CFLAR: variants seen among roughly 807,000 people sequenced by gnomAD.
CFLAR encodes the protein CASP8 and FADD like apoptosis regulator.
CFLAR carries 14 observed loss-of-function variants against 51.1 expected under a neutral mutation model. That is an observed-to-expected ratio of 0.27 (90% CI 0.18 to 0.43). The LOEUF (loss-of-function observed/expected upper bound fraction) is 0.43. CFLAR is among the 20% of genes least tolerant of loss of function. The pLI is 1.00. For synonymous variants in CFLAR, 210 were observed against 211.6 expected (o/e 0.99, Z 0.06); for missense variants, 390 against 566.5 (o/e 0.69, Z 3.16).
chr2:201,131,301 A>C (rs760138334), intron 2 of CFLAR, among the ~76,000 whole-genome samples: 7 of 151,928 alleles, frequency 4.6e-5, no homozygotes, highest in Non-Finnish European at 8.8e-5. Context: ...CAGTGGTGCG[A>C]TCTTGGCTCA....
chr2:201,161,013 C>A, intron 9 of CFLAR, 71 bp downstream of exon 9: 1 of 1,081,516 alleles, frequency 9.2e-7, no homozygotes, highest in Non-Finnish European at 1.4e-6. Flanking sequence ...GGAATTACCA[C>A]TGTGCCACAT....
intron 1 of CFLAR, among the ~76,000 whole-genome samples, chr2:201,125,753 C>T (rs1440059322): frequency 3.3e-5 from 5 of 152,104 alleles, no homozygotes; most frequent in Middle Eastern, 6.8e-3. Context: ...GTTGAGCAGC[C>T]GTAGGGGCCC....
chr2:201,160,340 G>A (rs1434135001), intron 8 of CFLAR, 92 bp from the exon 9 acceptor site: 10 of 1,329,806 alleles, frequency 7.5e-6, no homozygotes, highest in African/African-American at 4.4e-5. Context: ...TTTCATAATG[G>A]AGATTAGACC....
chr2:201,138,697 G>A lies in CFLAR; in HGVS notation c.524-1660G>A. ...TCACCCACAGTGTGCAAGGGGCTCA[G>A]CACCACGGGGTGTGTGATAAAGCCC... On this transcript the variant is annotated intron_variant, in intron 4 of 9. Coordinates refer to ENST00000309955, the MANE Select transcript of CFLAR (RefSeq NM_003879.7). The surrounding 1 kb of genome is among the most constrained non-coding windows in gnomAD (Gnocchi z 4.0). 2.4e-6 allele frequency: 2 copies of A among 838,222 alleles called. No individual in the cohort carries two copies. Among genetic ancestry groups the A allele is most frequent in the Non-Finnish European group, 4.1e-6 (2 of 484,434 alleles). 51.9% of individuals were successfully genotyped at this position (838,222 alleles called of 1,614,324 possible). A position where few individuals can be genotyped will look rare whatever the true frequency, so the allele number is the denominator to read the frequency against.
chr2:201,154,854 G>A (rs1172056307), intron 8 of CFLAR, among the ~76,000 whole-genome samples: 2 of 152,286 alleles, frequency 1.3e-5, no homozygotes, highest in African/African-American at 2.4e-5. Context: ...TTGGCCCTGT[G>A]TGAAGCAAAT....
At chr2:201,141,750 C>A in intron 5 of CFLAR, 1 of 662,544 alleles carries the variant, frequency 1.5e-6, no homozygotes, top group Non-Finnish European at 1.9e-6. Flanking sequence ...GTACTTAGTA[C>A]AAGGTATCGG....
chr2:201,160,210 GTA>G (rs1942839779), intron 8 of CFLAR, among the ~76,000 whole-genome samples: 1 of 152,146 alleles, frequency 6.6e-6, no homozygotes. Flanking sequence ...AGGAACAGTG[GTA>G]TAGCAGGGTA....
At chr2:201,145,518 C>T (rs1195657478) in intron 6 of CFLAR, 86 bp downstream of exon 6, 5 of 857,540 alleles carry the variant, frequency 5.8e-6, no homozygotes, top group Non-Finnish European at 9.8e-6. Flanking sequence ...TTGGTCATTT[C>T]CTTTATCTAC....
chr2:201,152,883 C>T (rs556910270), intron 8 of CFLAR: 33 of 152,606 alleles, frequency 2.2e-4, no homozygotes, highest in African/African-American at 7.7e-4. Context: ...GGGCATCATG[C>T]TTTTGGCCAC....
At chr2:201,154,441 C>T (rs1223637747) in intron 8 of CFLAR, 1 of 153,088 alleles carries the variant, frequency 6.5e-6, no homozygotes, top group African/African-American at 2.4e-5. Flanking sequence ...ACACTCCTAC[C>T]TTCTCTAGTA....
Position 201,166,007 on chromosome 2 carries a change from A to C in CFLAR, c.*2034A>C. ...TCTACACAGACACAGCAACAATCTG[A>C]TTTCTCTATCTTTTCCCCACCTTTC... On this transcript the variant is annotated 3_prime_UTR_variant, in exon 10 of 10. Coordinates refer to ENST00000309955, the MANE Select transcript of CFLAR (RefSeq NM_003879.7). 5.0e-6 allele frequency: 1 copy of C among 198,300 alleles called. No homozygotes were observed. Among genetic ancestry groups the C allele is most frequent in the South Asian group, 7.4e-5 (1 of 13,466 alleles). The allele number at this position is 198,300 out of a possible 1,614,324, so 12.3% of individuals were successfully genotyped here. A position where few individuals can be genotyped will look rare whatever the true frequency, so the allele number is the denominator to read the frequency against.
chr2:201,137,819 C>T, intron 4 of CFLAR: 1 of 1,200,604 alleles, frequency 8.3e-7, no homozygotes, highest in South Asian at 1.2e-5. Flanking sequence ...CCAGTGAGCC[C>T]ATGCCCTGGT....
intron 8 of CFLAR, among the ~76,000 whole-genome samples, chr2:201,155,330 A>G (rs904217599): frequency 6.6e-6 from 1 of 150,960 alleles, no homozygotes; most frequent in African/African-American, 2.4e-5. Context: ...CAATGGCGTT[A>G]TCTTGGCTCA....
At chr2:201,142,914 A>G (rs1490097783) in intron 5 of CFLAR, among the ~76,000 whole-genome samples, 2 of 152,164 alleles carry the variant, frequency 1.3e-5, no homozygotes, top group Non-Finnish European at 2.9e-5. Context: ...TATATTTTTT[A>G]AAAGAATGAA....
chr2:201,128,090 T>A (rs1480464933), intron 1 of CFLAR, among the ~76,000 whole-genome samples: 1 of 152,218 alleles, frequency 6.6e-6, no homozygotes, highest in Non-Finnish European at 1.5e-5. Flanking sequence ...TAATATCTCA[T>A]TTCTTAGTCT....
chr2:201,162,249 C>T (rs1051028193), intron 9 of CFLAR, among the ~76,000 whole-genome samples: 2 of 151,744 alleles, frequency 1.3e-5, no homozygotes, highest in Admixed American at 6.6e-5. Context: ...ACTACAGGCG[C>T]ACACCACTAC....
In CFLAR at chr2:201,118,471, G is replaced by C. The variant is rs1450229982; in HGVS notation, c.-138+1990G>C. 1.3e-5 allele frequency: 2 copies of C among 152,250 alleles called. No homozygotes were observed. The highest frequency in any genetic ancestry group is 2.4e-5 in the African/African-American group (1 of 41,458). 9.4% of individuals were successfully genotyped at this position (152,250 alleles called of 1,614,324 possible). A position where few individuals can be genotyped will look rare whatever the true frequency, so the allele number is the denominator to read the frequency against. ...CCTACCGCAGCTCCTAGTAGGTGGT[G>C]GGGGCGCAGCGGCTGTCCCCACTCA... is the stretch of plus-strand genomic sequence containing the variant. On this transcript the variant is annotated intron_variant, in intron 1 of 9. Transcript: ENST00000309955. The surrounding 1 kb of genome is among the most constrained non-coding windows in gnomAD (Gnocchi z 5.1).
intron 5 of CFLAR, among the ~76,000 whole-genome samples, chr2:201,145,098 C>A (rs951161047): frequency 2.6e-5 from 4 of 152,128 alleles, no homozygotes; most frequent in African/African-American, 9.7e-5. Flanking sequence ...GATGATCCAC[C>A]CACCTTGGCA....
rs1944124609 is a variant in CFLAR, at chr2:201,173,882, G to A, written c.*9909G>A. ...AGACAGGGTTTCGCCATGTTGGCCA[G>A]GCTGGTCTTGAACTCCTGAACTCAG... On this transcript the variant is annotated 3_prime_UTR_variant, in exon 10 of 10. Coordinates refer to ENST00000309955, the MANE Select transcript of CFLAR (RefSeq NM_003879.7). The A allele has an allele frequency of 6.6e-6, 1 of 151,928 alleles. No individual in the cohort carries two copies. Among genetic ancestry groups the A allele is most frequent in the South Asian group, 2.1e-4 (1 of 4,816 alleles). 9.4% of individuals were successfully genotyped at this position (151,928 alleles called of 1,614,324 possible).
Sources: allele counts gnomAD v4.1 joint callset (sites outside exome capture counted in the v4.1 genomes callset), GRCh38; gene constraint gnomAD v4.1.1; non-coding constraint Gnocchi (gnomAD v3.1); transcripts MANE v1.5; gene names NCBI Gene and HGNC (gene_info 2026-07-23, HGNC 2026-07-21).